PRORP: variants seen among roughly 807,000 people sequenced by gnomAD.
The protein encoded by PRORP is mitochondrial ribonuclease P catalytic subunit.
A neutral mutation model predicts 59.4 loss-of-function variants in PRORP; 51 were observed. That is an observed-to-expected ratio of 0.86 (90% CI 0.69 to 1.08). The LOEUF (loss-of-function observed/expected upper bound fraction) is 1.08, where lower values mean the gene tolerates loss of function less well. PRORP is among the 50% of genes least tolerant of loss of function. The probability of loss-of-function intolerance (pLI) is 0.00; values close to 1 mark genes in which losing one functional copy is unlikely to be tolerated. For missense variants in PRORP, 646 were observed against 690.3 expected (o/e 0.94, Z 0.72); for synonymous variants, 231 against 245.6 (o/e 0.94, Z 0.55).
In PRORP at chr14:35,257,620, T is replaced by C. The variant is rs551418126; in HGVS notation, c.1276-9107T>C. Among the ~76,000 whole-genome samples, 23 of 152,342 alleles carry C rather than the reference T, an allele frequency of 1.5e-4. No individual in the cohort carries two copies. The East Asian group carries it at 4.4e-3, about 29-fold the overall frequency. Reference sequence around the variant, plus strand: ...TCCAGAAATTGACATTTGGGTTGCTTCCAAAACAGTTTTTAAGTTCTTTCC... The same window carrying C: ...TCCAGAAATTGACATTTGGGTTGCTCCCAAAACAGTTTTTAAGTTCTTTCC... On this transcript the variant is annotated intron_variant, in intron 5 of 7. Coordinates refer to ENST00000534898, the MANE Select transcript of PRORP (RefSeq NM_014672.4).
intron 4 of PRORP, among the ~76,000 whole-genome samples, chr14:35,149,206 A>G (rs1187029522): frequency 6.6e-6 from 1 of 150,886 alleles, no homozygotes; most frequent in East Asian, 1.9e-4. Context: ...AGCGTGAGCC[A>G]CCGCGCCCGG....
chr14:35,243,730 C>T (rs1403301968), intron 5 of PRORP, among the ~76,000 whole-genome samples: 1 of 152,076 alleles, frequency 6.6e-6, no homozygotes, highest in Non-Finnish European at 1.5e-5. Context: ...AGTTCCTTAA[C>T]CTTGCTGTGG....
At chr14:35,205,339 G>T (rs909719746) in intron 5 of PRORP, among the ~76,000 whole-genome samples, 1 of 152,100 alleles carries the variant, frequency 6.6e-6, no homozygotes, top group African/African-American at 2.4e-5. Context: ...ATGCCACCAT[G>T]CTTAGATAAT....
intron 5 of PRORP, among the ~76,000 whole-genome samples, chr14:35,224,007 C>T (rs918619907): frequency 6.6e-6 from 1 of 152,144 alleles, no homozygotes; most frequent in African/African-American, 2.4e-5. Flanking sequence ...TGTCATATAT[C>T]TAATAAGGGA....
chr14:35,208,377 G>T lies in PRORP; in HGVS notation c.1275+27600G>T, dbSNP rs147509524. ...AATCCCTTGAGCCCAGGAGTTCAAG[G>T]CCTGACGGGGCAGACTATTATTTTA... On this transcript the variant is annotated intron_variant, in intron 5 of 7. Transcript: ENST00000534898. Among the ~76,000 whole-genome samples, 1,321 of 152,152 alleles carry T rather than the reference G, an allele frequency of 8.7e-3. 24 individuals carry two copies. Among genetic ancestry groups the T allele is most frequent in the South Asian group, 0.059 (284 of 4,820 alleles).
intron 4 of PRORP, among the ~76,000 whole-genome samples, chr14:35,142,775 T>C (rs1309471925): frequency 7.0e-6 from 1 of 143,848 alleles, no homozygotes; most frequent in Admixed American, 7.3e-5. Flanking sequence ...CCCAGGAAGC[T>C]GAGGTTGCAG....
At chr14:35,272,837 C>G (rs181426985) in intron 7 of PRORP, among the ~76,000 whole-genome samples, 19 of 152,308 alleles carry the variant, frequency 1.2e-4, no homozygotes, top group Non-Finnish European at 2.4e-4. Flanking sequence ...CTCAAATGCT[C>G]AAGTCCCTTA....
At chr14:35,231,609 CAT>C (rs1400858518) in intron 5 of PRORP, among the ~76,000 whole-genome samples, 4 of 152,134 alleles carry the variant, frequency 2.6e-5, no homozygotes, top group African/African-American at 9.7e-5. Flanking sequence ...AGCAAATTAA[CAT>C]ATTTCCTTGT....
At chr14:35,235,639 C>G (rs1275913212) in intron 5 of PRORP, 4 of 445,592 alleles carry the variant, frequency 9.0e-6, no homozygotes, top group African/African-American at 2.0e-5. Flanking sequence ...CAAACAGCCT[C>G]TGCTTCTTCT....
At chr14:35,159,921 A>AC (rs1566465572) in intron 4 of PRORP, among the ~76,000 whole-genome samples, 1 of 152,194 alleles carries the variant, frequency 6.6e-6, no homozygotes, top group Non-Finnish European at 1.5e-5. Flanking sequence ...ATGGGAAATT[A>AC]CCTAACACTT....
chr14:35,223,456 C>CTTTTT (rs5807819), intron 5 of PRORP, among the ~76,000 whole-genome samples: 2 of 81,460 alleles, frequency 2.5e-5, no homozygotes, highest in Non-Finnish European at 2.4e-5. Context: ...TAGACTTTAA[C>CTTTTT]TTTTTTTTTT....
intron 4 of PRORP, among the ~76,000 whole-genome samples, chr14:35,179,901 G>A (rs1340267524): frequency 2.6e-5 from 4 of 152,188 alleles, no homozygotes; most frequent in Non-Finnish European, 5.9e-5. Context: ...TTGACAGACA[G>A]ATGGGGTTTT....
At chr14:35,168,305 G>A (rs7144747) in intron 4 of PRORP, among the ~76,000 whole-genome samples, 18,985 of 152,064 alleles carry the variant, frequency 0.12, 1,262 homozygotes, top group Middle Eastern at 0.17. Context: ...CATTCTAGTG[G>A]GTGTATAATG....
chr14:35,122,118 A>G, upstream of PRORP: 2 of 650,160 alleles, frequency 3.1e-6, no homozygotes, highest in Non-Finnish European at 5.4e-6. Context: ...AGGCAAAAAC[A>G]ATTACTGTCA....
rs1264447058 is a variant in PRORP at position 35,241,445 on chromosome 14, A to C, written c.1276-25282A>C. Among the ~76,000 whole-genome samples the C allele has an allele frequency of 3.3e-5, 5 of 151,620 alleles. No homozygotes were observed. The South Asian group carries it at 8.3e-4, about 25-fold the overall frequency. On this transcript the variant is annotated intron_variant, in intron 5 of 7. Transcript: ENST00000534898. The stretch of plus-strand genomic sequence containing the variant: ...GACCTGAGCATCCAAATTTACAGTT[A>C]AACTTTTGGCTCTCATTTGTGGCTC...
At chr14:35,181,189 C>T (rs2048596844) in intron 5 of PRORP, among the ~76,000 whole-genome samples, 1 of 151,984 alleles carries the variant, frequency 6.6e-6, no homozygotes, top group African/African-American at 2.4e-5. Context: ...TTGTTTTTTC[C>T]AAACATAGTA....
intron 5 of PRORP, among the ~76,000 whole-genome samples, chr14:35,265,184 A>G (rs1355018461): frequency 6.6e-6 from 1 of 152,166 alleles, no homozygotes; most frequent in Non-Finnish European, 1.5e-5. Context: ...GGAGGAACTT[A>G]TGAGTAAAGA....
chr14:35,268,651 A>G (rs1178887462), intron 6 of PRORP, among the ~76,000 whole-genome samples: 3 of 152,334 alleles, frequency 2.0e-5, no homozygotes, highest in African/African-American at 7.2e-5. Context: ...GCTGGAGTAC[A>G]GTGGCACAAT....
chr14:35,232,222 T>C (rs1215878138), intron 5 of PRORP, among the ~76,000 whole-genome samples: 1 of 152,036 alleles, frequency 6.6e-6, no homozygotes, highest in East Asian at 1.9e-4. Context: ...TGGAGTTTTT[T>C]TGAGACAGGG....
Sources: allele counts gnomAD v4.1 joint callset (sites outside exome capture counted in the v4.1 genomes callset), GRCh38; gene constraint gnomAD v4.1.1; transcripts MANE v1.5; gene names NCBI Gene and HGNC (gene_info 2026-07-23, HGNC 2026-07-21).